The following MAST2 variants were observed in gnomAD, a reference collection of about 807,000 sequenced individuals.
The protein encoded by MAST2 is microtubule associated serine/threonine kinase 2, also known as microtubule-associated serine/threonine-protein kinase 2.
In MAST2, 70 loss-of-function variants were observed where a neutral mutation model predicts 147.4. The observed-to-expected ratio is 0.47, with a 90% CI of 0.39 to 0.58. The LOEUF (loss-of-function observed/expected upper bound fraction) is 0.58, where lower values mean the gene tolerates loss of function less well. MAST2 is among the 20% of genes least tolerant of loss of function. The probability of loss-of-function intolerance (pLI) is 0.00; values close to 1 mark genes in which losing one functional copy is unlikely to be tolerated. For synonymous variants in MAST2, 869 were observed against 896.8 expected (o/e 0.97, Z 0.55); for missense variants, 2,080 against 2,302.3 (o/e 0.90, Z 1.98).
intron 4 of MAST2, among the ~76,000 whole-genome samples, chr1:45,922,204 A>G (rs1424232056): frequency 6.6e-6 from 1 of 152,132 alleles, no homozygotes; most frequent in Non-Finnish European, 1.5e-5. Flanking sequence ...TGGTTGGTCC[A>G]TGGGCGGCCA....
intron 3 of MAST2, among the ~76,000 whole-genome samples, chr1:45,869,245 T>C (rs2148146343): frequency 6.6e-6 from 1 of 152,336 alleles, no homozygotes; most frequent in South Asian, 2.1e-4. Flanking sequence ...CTCCAGTATC[T>C]TTGTAGACAA....
At chr1:45,972,551 C>A (rs1315139480) in intron 5 of MAST2, among the ~76,000 whole-genome samples, 4 of 152,190 alleles carry the variant, frequency 2.6e-5, no homozygotes, top group Non-Finnish European at 4.4e-5. Flanking sequence ...AGCCAGTAAT[C>A]CATCCCTCTT....
chr1:45,971,480 T>C (rs957317351), intron 5 of MAST2, among the ~76,000 whole-genome samples: 2 of 152,320 alleles, frequency 1.3e-5, no homozygotes, highest in African/African-American at 4.8e-5. Context: ...GAAAGGTGTC[T>C]GTGTGATTGG....
At chr1:45,967,081 C>CTT (rs988996029) in intron 5 of MAST2, among the ~76,000 whole-genome samples, 11 of 145,638 alleles carry the variant, frequency 7.6e-5, no homozygotes, top group Admixed American at 1.4e-4. Context: ...CCCAGGCAGG[C>CTT]TTTTTTTTTT....
chr1:45,977,973 C>T (rs922527920), intron 5 of MAST2, among the ~76,000 whole-genome samples: 10 of 151,856 alleles, frequency 6.6e-5, no homozygotes, highest in South Asian at 2.1e-4. Context: ...CCTAGCACTG[C>T]GGGAGCCTTA....
chr1:45,914,420 G>A lies in MAST2; in HGVS notation c.500+32025G>A, dbSNP rs556591550. On this transcript the variant is annotated intron_variant, in intron 4 of 28. Coordinates refer to ENST00000361297, the MANE Select transcript of MAST2 (RefSeq NM_015112.3). ...GAGAATATCAAAGCTGGGAGTGGAA[G>A]AAGGCTTCCTCTTCAGGGTGACTTT... is the stretch of plus-strand genomic sequence containing the variant. Among the ~76,000 whole-genome samples the A allele has an allele frequency of 2.6e-5, 4 of 152,320 alleles. No homozygotes were observed. The South Asian group carries it at 6.2e-4, about 24-fold the overall frequency.
intron 4 of MAST2, among the ~76,000 whole-genome samples, chr1:45,907,045 A>G (rs1291248361): frequency 2.0e-5 from 3 of 152,166 alleles, no homozygotes; most frequent in Admixed American, 1.3e-4. Context: ...CATATAGCCT[A>G]TGTGTGTGGT....
intron 3 of MAST2, among the ~76,000 whole-genome samples, chr1:45,841,993 G>C (rs1243206098): frequency 1.3e-5 from 2 of 152,210 alleles, no homozygotes; most frequent in Non-Finnish European, 2.9e-5. Flanking sequence ...CCTGGTACCA[G>C]ATGCTGGCTT....
intron 4 of MAST2, among the ~76,000 whole-genome samples, chr1:45,940,904 C>T (rs545334712): frequency 6.6e-5 from 10 of 152,306 alleles, no homozygotes; most frequent in Admixed American, 6.5e-4. Context: ...CAGGCGTGAG[C>T]CACCGCGCCT....
chr1:45,868,318 G>C (rs1312038075), intron 3 of MAST2, among the ~76,000 whole-genome samples: 2 of 152,162 alleles, frequency 1.3e-5, no homozygotes, highest in Non-Finnish European at 2.9e-5. Flanking sequence ...AACTTTGAAA[G>C]GTCAGGGACT....
intron 6 of MAST2, 83 bp from the exon 7 acceptor site, chr1:46,002,722 C>G: frequency 8.0e-7 from 1 of 1,246,880 alleles, no homozygotes; most frequent in South Asian, 1.2e-5. Context: ...CAACTGCCCC[C>G]AAAATGCTGA....
chr1:45,960,462 A>G (rs1660260552), intron 5 of MAST2, among the ~76,000 whole-genome samples: 1 of 152,122 alleles, frequency 6.6e-6, no homozygotes. Context: ...AGATCATACC[A>G]CTGCACTCCA....
intron 3 of MAST2, among the ~76,000 whole-genome samples, chr1:45,839,005 ACT>A (rs1376124175): frequency 6.6e-6 from 1 of 151,472 alleles, no homozygotes; most frequent in East Asian, 1.9e-4. Flanking sequence ...ACAGGGTCTC[ACT>A]CTGTCATCCA....
chr1:46,029,374 C>T, intron 18 of MAST2, 92 bp from the exon 19 acceptor site: 8 of 1,066,614 alleles, frequency 7.5e-6, no homozygotes, highest in Admixed American at 7.4e-5. Context: ...GTCCTTTTTG[C>T]CTCCTTTCCT....
chr1:45,992,079 T>C (rs575211444), intron 5 of MAST2, among the ~76,000 whole-genome samples: 14 of 152,242 alleles, frequency 9.2e-5, no homozygotes, highest in African/African-American at 2.9e-4. Flanking sequence ...TGATACTGAA[T>C]AGGAGTAGTG....
intron 5 of MAST2, among the ~76,000 whole-genome samples, chr1:45,967,347 G>A (rs1034709820): frequency 6.6e-6 from 1 of 152,156 alleles, no homozygotes; most frequent in African/African-American, 2.4e-5. Flanking sequence ...TAGGATTACA[G>A]GCGTGAGTCA....
chr1:45,997,667 T>C (rs773727309), intron 5 of MAST2, 57 bp from the exon 6 acceptor site: 44 of 1,346,504 alleles, frequency 3.3e-5, no homozygotes, highest in Non-Finnish European at 4.7e-5. Context: ...CCGAAAGTCA[T>C]GTCCACCCTC....
chr1:45,865,658 A>G (rs569020882), intron 3 of MAST2, among the ~76,000 whole-genome samples: 4 of 152,220 alleles, frequency 2.6e-5, no homozygotes, highest in Middle Eastern at 3.4e-3. Context: ...CCTACCTACC[A>G]TCTTTTCCTT....
chr1:45,917,593 G>A (rs1046523653), intron 4 of MAST2: 41 of 1,249,308 alleles, frequency 3.3e-5, no homozygotes, highest in East Asian at 4.7e-5. Flanking sequence ...ATGGTAAAAC[G>A]CATACCTTAC....
Sources: allele counts gnomAD v4.1 joint callset (sites outside exome capture counted in the v4.1 genomes callset), GRCh38; gene constraint gnomAD v4.1.1; transcripts MANE v1.5; gene names NCBI Gene and HGNC (gene_info 2026-07-23, HGNC 2026-07-21).